Variants in DCC observed in about 807,000 individuals in gnomAD.
DCC encodes netrin receptor DCC.
DCC carries 58 observed loss-of-function variants against 172.5 expected under a neutral mutation model. The ratio of observed to expected loss-of-function variants is 0.34; its 90% CI spans 0.27 to 0.42. DCC has a LOEUF of 0.42. Ranked by LOEUF, DCC falls within the 10% of genes least tolerant of loss-of-function variation. DCC has a pLI of 1.00. For missense variants in DCC, 1,740 were observed against 1,791.0 expected (o/e 0.97, Z 0.51); for synonymous variants, 709 against 644.5 (o/e 1.10, Z -1.52).
chr18:53,217,300 CATAT>C (rs1355425350), intron 12 of DCC, among the ~76,000 whole-genome samples: 2,397 of 96,404 alleles, frequency 0.025, 72 homozygotes, highest in African/African-American at 0.15. Flanking sequence ...CACACACACA[CATAT>C]GTATATACAC....
intron 5 of DCC, among the ~76,000 whole-genome samples, chr18:53,048,103 GTC>G (rs1364748177): frequency 6.6e-6 from 1 of 151,856 alleles, no homozygotes; most frequent in Non-Finnish European, 1.5e-5. Context: ...AGAATACTGA[GTC>G]TCTATTTGTT....
intron 5 of DCC, among the ~76,000 whole-genome samples, chr18:53,002,771 G>A (rs117512210): frequency 0.02 from 3,094 of 152,230 alleles, 42 homozygotes; most frequent in Non-Finnish European, 0.032. Context: ...TTTTGAATGA[G>A]TGTTAGCCTT....
intron 2 of DCC, among the ~76,000 whole-genome samples, chr18:52,801,492 A>C (rs1341886801): frequency 1.3e-5 from 2 of 152,252 alleles, no homozygotes; most frequent in South Asian, 2.1e-4. Context: ...TTTACAAAAC[A>C]TTAAAAATTT....
chr18:53,459,178 G>A (rs1453221574), intron 23 of DCC, 54 bp from the exon 24 acceptor site: 1 of 1,337,220 alleles, frequency 7.5e-7, no homozygotes, highest in Non-Finnish European at 1.1e-6. Flanking sequence ...ATGAAAGAAA[G>A]GAAGTGCCAT....
chr18:52,600,073 C>A (rs994754843), intron 1 of DCC, among the ~76,000 whole-genome samples: 2 of 152,142 alleles, frequency 1.3e-5, no homozygotes, highest in Non-Finnish European at 2.9e-5. Context: ...AAATCCTTTT[C>A]TTTCAAATAG....
chr18:52,587,369 G>C (rs1197103989), intron 1 of DCC, among the ~76,000 whole-genome samples: 1 of 152,190 alleles, frequency 6.6e-6, no homozygotes, highest in Non-Finnish European at 1.5e-5. Context: ...AAGAGGCTGA[G>C]TGTTGTCCAC....
At chr18:53,164,514 G>A (rs941227008) in intron 8 of DCC, among the ~76,000 whole-genome samples, 25 of 152,206 alleles carry the variant, frequency 1.6e-4, no homozygotes, top group Admixed American at 1.6e-3. Context: ...GTAAGGCTAT[G>A]TGGCTGTGGA....
intron 1 of DCC, among the ~76,000 whole-genome samples, chr18:52,377,564 GACTT>G (rs1398005252): frequency 6.6e-6 from 1 of 151,656 alleles, no homozygotes; most frequent in Non-Finnish European, 1.5e-5. Flanking sequence ...ATGAGAATCT[GACTT>G]ACGTATTTAT....
intron 1 of DCC, among the ~76,000 whole-genome samples, chr18:52,614,593 A>T (rs1037242815): frequency 6.6e-6 from 1 of 152,196 alleles, no homozygotes; most frequent in Non-Finnish European, 1.5e-5. Flanking sequence ...CCAGCCTTAC[A>T]TTCCTTATAG....
At chr18:53,481,163 T>C (rs112683938) in intron 25 of DCC, 35 of 152,312 alleles carry the variant, frequency 2.3e-4, no homozygotes, top group African/African-American at 7.7e-4. Flanking sequence ...CATACCATCA[T>C]TTCTGCCACA....
chr18:53,063,574 T>C, intron 6 of DCC, 115 bp downstream of exon 6: 1 of 840,858 alleles, frequency 1.2e-6, no homozygotes, highest in Middle Eastern at 3.1e-4. Context: ...TTTTGTGATG[T>C]GTTAAAAAAG....
intron 7 of DCC, among the ~76,000 whole-genome samples, chr18:53,154,210 C>G (rs1234482652): frequency 6.6e-6 from 1 of 152,094 alleles, no homozygotes; most frequent in South Asian, 2.1e-4. Context: ...CCAGAGTCCC[C>G]GATGGGATTT....
At chr18:52,598,611 G>A (rs1443459336) in intron 1 of DCC, among the ~76,000 whole-genome samples, 1 of 152,170 alleles carries the variant, frequency 6.6e-6, no homozygotes, top group Non-Finnish European at 1.5e-5. Flanking sequence ...TGCATGTCAA[G>A]GAGCTCAGGC....
chr18:52,850,100 C>T (rs1018707334), intron 2 of DCC, among the ~76,000 whole-genome samples: 4 of 152,058 alleles, frequency 2.6e-5, no homozygotes, highest in South Asian at 2.1e-4. Context: ...TTTACCATCC[C>T]GAGGCTGTTA....
intron 5 of DCC, among the ~76,000 whole-genome samples, chr18:53,039,025 G>C (rs2042132726): frequency 6.6e-6 from 1 of 151,996 alleles, no homozygotes; most frequent in Non-Finnish European, 1.5e-5. Flanking sequence ...TTGGAGAAAT[G>C]TTGAGGTCGC....
At chr18:53,448,235 G>A (rs1241266077) in intron 22 of DCC, among the ~76,000 whole-genome samples, 5 of 152,156 alleles carry the variant, frequency 3.3e-5, no homozygotes, top group Non-Finnish European at 7.4e-5. Context: ...AGCTGAGACT[G>A]GGTAATTTAT....
At chr18:53,142,736 G>A (rs571806914) in intron 7 of DCC, among the ~76,000 whole-genome samples, 2 of 152,224 alleles carry the variant, frequency 1.3e-5, no homozygotes, top group South Asian at 2.1e-4. Flanking sequence ...CTAAGAAATC[G>A]ACGTTGCTAT....
chr18:53,525,856 T>C (rs1357918427), intron 27 of DCC, among the ~76,000 whole-genome samples: 1 of 152,118 alleles, frequency 6.6e-6, no homozygotes, highest in Non-Finnish European at 1.5e-5. Flanking sequence ...TACTAGCTGA[T>C]TCAATAAGCC....
At chr18:52,771,463 C>A (rs922639562) in intron 2 of DCC, among the ~76,000 whole-genome samples, 14 of 152,192 alleles carry the variant, frequency 9.2e-5, no homozygotes, top group African/African-American at 3.4e-4. Context: ...GGGATGCTCT[C>A]ACTTTTCTTT....
Sources: allele counts gnomAD v4.1 joint callset (sites outside exome capture counted in the v4.1 genomes callset), GRCh38; gene constraint gnomAD v4.1.1; transcripts MANE v1.5; gene names NCBI Gene and HGNC (gene_info 2026-07-23, HGNC 2026-07-21).